Variants in C14orf39 observed in about 807,000 individuals in gnomAD.
The protein encoded by C14orf39 is chromosome 14 open reading frame 39.
C14orf39 carries 66 observed loss-of-function variants against 85.6 expected under a neutral mutation model. The ratio of observed to expected loss-of-function variants is 0.77; its 90% CI spans 0.63 to 0.95. The LOEUF (loss-of-function observed/expected upper bound fraction) is 0.95. Ranked by LOEUF, C14orf39 falls within the 40% of genes least tolerant of loss-of-function variation. The pLI, the probability that C14orf39 is intolerant of heterozygous loss-of-function variation, is 0.00. For synonymous variants in C14orf39, 242 were observed against 214.0 expected, an observed-to-expected ratio of 1.13 and a Z score of -1.14; for missense variants, 735 against 663.9, an observed-to-expected ratio of 1.11 and a Z score of -1.18.
At chr14:60,512,870 T>A (rs1893314652) in intron 1 of C14orf39, 1 of 152,230 alleles carries the variant, frequency 6.6e-6, no homozygotes, top group East Asian at 1.9e-4. Context: ...CTGACTTCCC[T>A]CTTTACTGTC....
chr14:60,466,326 A>C (rs978414423), intron 10 of C14orf39, among the ~76,000 whole-genome samples: 3 of 152,012 alleles, frequency 2.0e-5, no homozygotes, highest in Non-Finnish European at 4.4e-5. Flanking sequence ...GTGGTTGAGA[A>C]GACAAAGAAA....
intron 17 of C14orf39, among the ~76,000 whole-genome samples, chr14:60,438,379 T>G (rs1408054015): frequency 6.6e-6 from 1 of 152,068 alleles, no homozygotes. Context: ...TAAAGAAAAA[T>G]AGGTATAATG....
At chr14:60,469,929 G>GTTTT (rs373485742) in intron 7 of C14orf39, among the ~76,000 whole-genome samples, 1 of 108,262 alleles carries the variant, frequency 9.2e-6, no homozygotes, top group Non-Finnish European at 1.8e-5. Context: ...TCACAGGGTA[G>GTTTT]TTTTTTTTTT....
intron 7 of C14orf39, among the ~76,000 whole-genome samples, chr14:60,471,039 A>C (rs1359930143): frequency 6.6e-6 from 1 of 151,924 alleles, no homozygotes; most frequent in South Asian, 2.1e-4. Context: ...GCCTGGCATA[A>C]GGTAGGTTTC....
At chr14:60,500,319 G>A (rs538277901) in intron 1 of C14orf39, among the ~76,000 whole-genome samples, 1 of 152,190 alleles carries the variant, frequency 6.6e-6, no homozygotes, top group Non-Finnish European at 1.5e-5. Context: ...CAGCCACCAC[G>A]CCTGGCTGGG....
intron 1 of C14orf39, chr14:60,509,366 C>A (rs770132232): frequency 1.1e-5 from 18 of 1,583,808 alleles, no homozygotes; most frequent in Middle Eastern, 1.7e-4. Context: ...CCGCTCCGGG[C>A]TCAGTGCCCT....
At position 60,468,510 on chromosome 14, in the gene C14orf39, C is replaced by A; in HGVS notation, c.702G>T (p.Lys234Asn). ...NQQISRHNET[K>N]ALSETLEEKN... ...TTTCTTCCAGAGTTTCTGAAAGAGC[C>A]TTAGTTTCATTATGCCTAGATATCT... The change falls in exon 9 of 18, where the codon AAG (lysine) becomes AAT (asparagine). Residue 234 changes from lysine to asparagine, a missense_variant. By Grantham distance (94) the Lys-to-Asn change is moderately conservative. Transcript: ENST00000321731. 6.3e-7 allele frequency: 1 copy of A among 1,591,424 alleles called. No individual in the cohort carries two copies. The highest frequency in any genetic ancestry group is 8.6e-7 in the Non-Finnish European group (1 of 1,167,812).
chr14:60,442,095 G>C lies in C14orf39; in HGVS notation c.1540C>G (p.Leu514Val). 1.2e-6 allele frequency: 2 copies of C among 1,610,370 alleles called. No homozygotes were observed. Among genetic ancestry groups the C allele is most frequent in the Non-Finnish European group, 8.5e-7 (1 of 1,177,400 alleles). ...TTACCAATCTCTTGCTCTGATGACA[G>C]AGGATTTAGATTTCTTGCAGAATAA... ...EHYSARNLNP[L>V]SSEQEIGNLL... The change falls in exon 17 of 18, where the codon CTG becomes GTG. Residue 514 changes from leucine (L) to valine (V), a missense_variant. Leu to Val is a conservative substitution (Grantham distance 32). Transcript: ENST00000321731.
intron 4 of C14orf39, among the ~76,000 whole-genome samples, chr14:60,482,702 G>A (rs774320205): frequency 1.3e-5 from 2 of 152,078 alleles, no homozygotes; most frequent in Admixed American, 6.5e-5. Context: ...ATAGGGGAAT[G>A]GCTAAATAAC....
intron 9 of C14orf39, 41 bp from the exon 10 acceptor site, chr14:60,467,085 A>T: frequency 9.7e-7 from 1 of 1,027,442 alleles, no homozygotes; most frequent in Non-Finnish European, 1.3e-6. Flanking sequence ...TAGATAAGTT[A>T]AAATTAACAT....
chr14:60,444,545 A>C (rs1450493589), intron 16 of C14orf39, among the ~76,000 whole-genome samples: 1 of 152,200 alleles, frequency 6.6e-6, no homozygotes, highest in Non-Finnish European at 1.5e-5. Context: ...AAATATGGGA[A>C]TATGTGAAAA....
chr14:60,459,472 C>A (rs946406710), intron 13 of C14orf39, among the ~76,000 whole-genome samples: 1 of 151,376 alleles, frequency 6.6e-6, no homozygotes, highest in Admixed American at 6.6e-5. Flanking sequence ...ACGGTTGTAC[C>A]AATTTTTCGT....
rs1892755919 is a variant in C14orf39, at chr14:60,483,805, T to C, written c.119A>G (p.Asp40Gly). ...MIQRINKCCE[D>G]IKENKVTICR... Reference sequence around the variant, plus strand: ...AATAGTTACTTTGTTTTCCTTAATATCTTCACAGCATTCTACAAAGAGAAA... The same window carrying C: ...AATAGTTACTTTGTTTTCCTTAATACCTTCACAGCATTCTACAAAGAGAAA... The change falls in exon 4 of 18, where the codon GAT becomes GGT. Residue 40 changes from aspartate to glycine, a missense_variant. Asp to Gly is a moderately conservative substitution (Grantham distance 94). Transcript: ENST00000321731. The C allele has an allele frequency of 6.6e-7, 1 of 1,506,186 alleles. No homozygotes were observed. Among genetic ancestry groups the C allele is most frequent in the Non-Finnish European group, 9.2e-7 (1 of 1,091,736 alleles). The allele number at this position is 1,506,186 out of a possible 1,614,324, so 93.3% of individuals were successfully genotyped here.
intron 16 of C14orf39, among the ~76,000 whole-genome samples, chr14:60,453,478 G>A (rs1319353695): frequency 6.6e-6 from 1 of 150,462 alleles, no homozygotes. Flanking sequence ...CTTATATTTG[G>A]GTCTTGCTTT....
At chr14:60,471,276 C>T (rs1313767805) in intron 7 of C14orf39, 141 bp downstream of exon 7, 4 of 740,970 alleles carry the variant, frequency 5.4e-6, no homozygotes, top group Non-Finnish European at 8.7e-6. Flanking sequence ...TCCAAGATGA[C>T]CTTTAAAATT....
At chr14:60,482,783 A>G (rs1350281428) in intron 4 of C14orf39, among the ~76,000 whole-genome samples, 1 of 152,210 alleles carries the variant, frequency 6.6e-6, no homozygotes, top group Non-Finnish European at 1.5e-5. Context: ...TTACATGCAC[A>G]GTACCATTTA....
At chr14:60,472,755 T>C (rs1566674135) in intron 5 of C14orf39, among the ~76,000 whole-genome samples, 1 of 152,244 alleles carries the variant, frequency 6.6e-6, no homozygotes, top group Non-Finnish European at 1.5e-5. Context: ...TATGGCTGCA[T>C]AGTATTCCAT....
intron 1 of C14orf39, among the ~76,000 whole-genome samples, chr14:60,510,128 C>G (rs1355610125): frequency 6.6e-6 from 1 of 152,172 alleles, no homozygotes; most frequent in African/African-American, 2.4e-5. Flanking sequence ...GGCTCCTGGC[C>G]GGGAGTTCCC....
chr14:60,479,418 G>T (rs758352554), intron 4 of C14orf39, among the ~76,000 whole-genome samples: 3 of 152,254 alleles, frequency 2.0e-5, no homozygotes, highest in Admixed American at 2.0e-4. Flanking sequence ...GGGGGAAGAG[G>T]TGAAAAACTA....
Sources: gnomAD v4.1 joint callset for allele counts (sites outside exome capture counted in the v4.1 genomes callset) on GRCh38, gnomAD v4.1.1 for gene constraint, MANE v1.5 for transcripts, NCBI Gene and HGNC (gene_info 2026-07-23, HGNC 2026-07-21) for gene names.